Variants in SETBP1 observed in about 807,000 individuals in gnomAD.
SETBP1 encodes SET binding protein 1.
In SETBP1, 9 loss-of-function variants were observed where a neutral mutation model predicts 101.0. That is an observed-to-expected ratio of 0.09 (90% CI 0.05 to 0.16). SETBP1 has a LOEUF of 0.16. Among genes scored for constraint, SETBP1 ranks in the 10% least tolerant of loss-of-function variants. The probability of loss-of-function intolerance (pLI) is 1.00; values close to 1 mark genes in which losing one functional copy is unlikely to be tolerated. For synonymous variants in SETBP1, 818 were observed against 788.5 expected (o/e 1.04, Z -0.63); for missense variants, 1,858 against 2,033.8 (o/e 0.91, Z 1.66).
chr18:44,701,564 C>G lies in SETBP1; in HGVS notation c.218C>G (p.Ser73Cys), dbSNP rs1395686262. Residue 73 changes from serine (S) to cysteine (C), a missense_variant, in exon 2 of 6, where the codon TCC (serine) becomes TGC (cysteine). This residue lies in a region of SETBP1 where 97 missense variants were observed against 101.2 expected (regional missense o/e 0.96). Transcript: ENST00000649279. Reference protein sequence around the residue: ...LGSGRDVDSNSNADSEKWVAG... With the variant: ...LGSGRDVDSNCNADSEKWVAG... Reference sequence around the variant, plus strand: ...TCAGGGCGGGATGTGGATTCCAACTCCAACGCGGACAGTGAGAAATGGGTG... The same window carrying G: ...TCAGGGCGGGATGTGGATTCCAACTGCAACGCGGACAGTGAGAAATGGGTG... 6.2e-7 allele frequency: 1 copy of G among 1,614,154 alleles called. No individual in the cohort carries two copies.
intron 3 of SETBP1, among the ~76,000 whole-genome samples, chr18:44,943,840 CTT>C (rs57430235): frequency 3.6e-4 from 52 of 142,634 alleles, no homozygotes; most frequent in Admixed American, 9.8e-4. Context: ...CTTTTTTTTT[CTT>C]TTTTTTTTTT....
At chr18:44,998,168 C>A (rs766510678) in intron 4 of SETBP1, among the ~76,000 whole-genome samples, 3 of 152,180 alleles carry the variant, frequency 2.0e-5, no homozygotes, top group Non-Finnish European at 4.4e-5. Flanking sequence ...TGAGAAAGTT[C>A]TTGTTATAAT....
chr18:44,750,154 A>T (rs1183965447), intron 2 of SETBP1, among the ~76,000 whole-genome samples: 2 of 152,216 alleles, frequency 1.3e-5, no homozygotes, highest in Non-Finnish European at 2.9e-5. Context: ...GTATTAGTCA[A>T]CTTGGGCTGC....
rs370213054 is a variant in SETBP1 at position 44,983,961 on chromosome 18, T to C, written c.4000+30621T>C. On this transcript the variant is annotated intron_variant, in intron 4 of 5. Transcript: ENST00000649279. ...GCTCATGCCTGTAATCCCAGCACTT[T>C]GGGAGGCTGAGGCAGGTGGATCACA... Among the ~76,000 whole-genome samples the C allele has an allele frequency of 9.2e-5, 14 of 152,146 alleles. 1 individual carries two copies. The highest frequency in any genetic ancestry group is 3.4e-4 in the African/African-American group (14 of 41,420).
chr18:44,873,089 G>C (rs146616919), intron 3 of SETBP1, among the ~76,000 whole-genome samples: 1 of 131,034 alleles, frequency 7.6e-6, no homozygotes, highest in East Asian at 2.2e-4. Context: ...GATAAGAAGA[G>C]AGTAAACAAG....
At chr18:44,740,516 C>A (rs1057267691) in intron 2 of SETBP1, among the ~76,000 whole-genome samples, 2 of 152,190 alleles carry the variant, frequency 1.3e-5, no homozygotes, top group African/African-American at 4.8e-5. Flanking sequence ...TGTCTAGTGG[C>A]TATTGAGTTC....
At chr18:44,958,079 A>C (rs369924425) in intron 4 of SETBP1, among the ~76,000 whole-genome samples, 4 of 152,334 alleles carry the variant, frequency 2.6e-5, no homozygotes, top group African/African-American at 9.6e-5. Context: ...CAGTTTTCCA[A>C]AATGGGACTA....
intron 4 of SETBP1, among the ~76,000 whole-genome samples, chr18:44,972,420 T>G (rs924061426): frequency 6.6e-6 from 1 of 152,182 alleles, no homozygotes. Context: ...AAGAAAGTCA[T>G]TGGTAGCTTG....
Position 44,916,667 on chromosome 18 carries a change from A to G in SETBP1, c.541-33214A>G, listed in dbSNP as rs1223579543. 2.6e-5 allele frequency among the ~76,000 whole-genome samples: 4 copies of G among 152,304 alleles called. No homozygotes were observed. In the East Asian group the frequency reaches 7.7e-4, roughly 29 times the overall value. ...AAGAAACAGCCCAGACACGGAGAGA[A>G]TATTTTCTGAGCAGTCAGCATAATG... is the stretch of plus-strand genomic sequence containing the variant. On this transcript the variant is annotated intron_variant, in intron 3 of 5. Transcript: ENST00000649279.
intron 2 of SETBP1, among the ~76,000 whole-genome samples, chr18:44,867,802 A>G (rs752214374): frequency 4.4e-4 from 67 of 152,158 alleles, no homozygotes; most frequent in South Asian, 4.1e-4. Context: ...TAGCTTCAAC[A>G]TCACTTAAGC....
intron 5 of SETBP1, among the ~76,000 whole-genome samples, chr18:45,043,386 C>T (rs1190594624): frequency 6.6e-6 from 1 of 151,554 alleles, no homozygotes; most frequent in African/African-American, 2.4e-5. Context: ...CACACTCACA[C>T]ACACACACAC....
At chr18:44,825,089 C>T (rs1352322257) in intron 2 of SETBP1, among the ~76,000 whole-genome samples, 1 of 152,172 alleles carries the variant, frequency 6.6e-6, no homozygotes, top group Non-Finnish European at 1.5e-5. Flanking sequence ...CTGCTCTATC[C>T]CCACCTGGGG....
At chr18:44,989,820 G>A (rs1243505468) in intron 4 of SETBP1, among the ~76,000 whole-genome samples, 1 of 122,770 alleles carries the variant, frequency 8.1e-6, no homozygotes, top group African/African-American at 2.9e-5. Context: ...AGTGAGCCGA[G>A]ATCCCGCCAC....
chr18:44,796,883 T>C (rs1221585509), intron 2 of SETBP1, among the ~76,000 whole-genome samples: 2 of 152,200 alleles, frequency 1.3e-5, no homozygotes, highest in Non-Finnish European at 2.9e-5. Context: ...GATGCTCTAC[T>C]GTAGCAAAAT....
chr18:44,735,404 A>C (rs2069942510), intron 2 of SETBP1, among the ~76,000 whole-genome samples: 1 of 152,240 alleles, frequency 6.6e-6, no homozygotes. Context: ...GATCTGAACC[A>C]GATGATCTAT....
At chr18:44,847,065 GA>G (rs1420998210) in intron 2 of SETBP1, among the ~76,000 whole-genome samples, 1 of 152,158 alleles carries the variant, frequency 6.6e-6, no homozygotes, top group Non-Finnish European at 1.5e-5. Context: ...ATGAAAACTA[GA>G]ATGATATTAG....
intron 4 of SETBP1, among the ~76,000 whole-genome samples, chr18:45,035,105 G>A (rs1247530996): frequency 1.3e-5 from 2 of 151,972 alleles, no homozygotes; most frequent in Non-Finnish European, 2.9e-5. Context: ...ACTCTCCCAA[G>A]GACCAGTACC....
chr18:44,759,929 T>C (rs896911402), intron 2 of SETBP1, among the ~76,000 whole-genome samples: 1 of 152,172 alleles, frequency 6.6e-6, no homozygotes, highest in African/African-American at 2.4e-5. Flanking sequence ...CAAGAGGTGA[T>C]TTTTAGGTAT....
intron 1 of SETBP1, among the ~76,000 whole-genome samples, chr18:44,700,959 A>G (rs2069105471): frequency 2.0e-5 from 3 of 152,342 alleles, no homozygotes; most frequent in African/African-American, 7.2e-5. Context: ...TATAAAATTA[A>G]TAGCAATCCA....
Sources: allele counts gnomAD v4.1 joint callset (sites outside exome capture counted in the v4.1 genomes callset), GRCh38; gene constraint gnomAD v4.1.1; regional missense constraint gnomAD v4.1.1; transcripts MANE v1.5; gene names NCBI Gene and HGNC (gene_info 2026-07-23, HGNC 2026-07-21).